The following CHKA variants were observed in gnomAD, a reference collection of about 807,000 sequenced individuals.
CHKA encodes choline kinase alpha, also known as CHETK-alpha.
A neutral mutation model predicts 60.1 loss-of-function variants in CHKA; 34 were observed. The observed-to-expected ratio is 0.57, with a 90% CI of 0.43 to 0.75. CHKA has a LOEUF of 0.75. CHKA is among the 30% of genes least tolerant of loss of function. CHKA has a pLI of 0.00. For synonymous variants in CHKA, 217 were observed against 223.1 expected (o/e 0.97, Z 0.24); for missense variants, 563 against 561.3 (o/e 1.00, Z -0.03).
intron 3 of CHKA, among the ~76,000 whole-genome samples, chr11:68,077,614 G>A (rs1375086469): frequency 6.6e-6 from 1 of 152,170 alleles, no homozygotes; most frequent in African/African-American, 2.4e-5. Context: ...TGTGCTAAGC[G>A]CCAGGGAACC....
chr11:68,107,895 G>C (rs1191729401), intron 1 of CHKA, among the ~76,000 whole-genome samples: 1 of 152,140 alleles, frequency 6.6e-6, no homozygotes, highest in Non-Finnish European at 1.5e-5. Flanking sequence ...AGAGTACTAG[G>C]CACATTAAGA....
intron 1 of CHKA, among the ~76,000 whole-genome samples, chr11:68,112,595 C>A (rs1858198604): frequency 6.6e-6 from 1 of 151,986 alleles, no homozygotes; most frequent in Non-Finnish European, 1.5e-5. Context: ...AAGCATGATC[C>A]ATGAAAGAAA....
intron 11 of CHKA, among the ~76,000 whole-genome samples, chr11:68,060,736 T>G (rs772366360): frequency 1.3e-5 from 2 of 152,268 alleles, no homozygotes; most frequent in African/African-American, 4.8e-5. Flanking sequence ...GCCTTTATTA[T>G]CACAAAATGC....
At chr11:68,066,585 C>A in intron 7 of CHKA, 69 bp from the exon 8 acceptor site, 2 of 1,198,136 alleles carry the variant, frequency 1.7e-6, no homozygotes, top group South Asian at 1.2e-5. Context: ...ACAGCAGAGC[C>A]GAGAGAATGG....
chr11:68,068,733 A>C (rs1856522887), intron 7 of CHKA, 146 bp downstream of exon 7: 6 of 579,690 alleles, frequency 1.0e-5, no homozygotes, highest in Middle Eastern at 6.0e-4. Context: ...CTCTATAAAA[A>C]TAATACAAAA....
chr11:68,103,923 AAAAT>A (rs1427594186), intron 1 of CHKA, among the ~76,000 whole-genome samples: 2 of 151,976 alleles, frequency 1.3e-5, no homozygotes, highest in Non-Finnish European at 2.9e-5. Context: ...AAAAAAATAA[AAAAT>A]AAATAAATTA....
chr11:68,089,768 A>G (rs1857292845), intron 2 of CHKA: 5 of 152,208 alleles, frequency 3.3e-5, no homozygotes, highest in Admixed American at 3.3e-4. Context: ...GAACTAAAAG[A>G]AAGAAATTAA....
chr11:68,060,669 A>C (rs117459824), intron 11 of CHKA, among the ~76,000 whole-genome samples: 4,987 of 152,264 alleles, frequency 0.033, 122 homozygotes, highest in Admixed American at 0.045. Context: ...TGTCAGTTTT[A>C]ATATCATGTC....
At chr11:68,119,926 A>G (rs1229243537) in intron 1 of CHKA, among the ~76,000 whole-genome samples, 1 of 152,138 alleles carries the variant, frequency 6.6e-6, no homozygotes, top group African/African-American at 2.4e-5. Context: ...AATATTTTCA[A>G]GTTTAAAAAA....
Position 68,096,562 on chromosome 11 carries a change from A to C in CHKA, c.462+457T>G, listed in dbSNP as rs569164116. 5.3e-5 allele frequency among the ~76,000 whole-genome samples: 8 copies of C among 152,336 alleles called. No homozygotes were observed. In the South Asian group the frequency reaches 1.7e-3, roughly 32 times the overall value. On this transcript the variant is annotated intron_variant, in intron 2 of 11. Transcript: ENST00000265689. ...TAACAAACAACTCAAAGTTTTAAAG[A>C]AATCTCAGAGAAACAGTTATTAAAT...
At chr11:68,100,272 T>C (rs1201070811) in intron 1 of CHKA, among the ~76,000 whole-genome samples, 1 of 152,190 alleles carries the variant, frequency 6.6e-6, no homozygotes, top group Admixed American at 6.5e-5. Flanking sequence ...CCTGGCATAA[T>C]AGCTTTATAA....
chr11:68,086,090 G>T (rs1471041635), intron 2 of CHKA, among the ~76,000 whole-genome samples: 1 of 152,078 alleles, frequency 6.6e-6, no homozygotes, highest in African/African-American at 2.4e-5. Context: ...CGAGGCAGGC[G>T]GATCACGAGG....
intron 1 of CHKA, among the ~76,000 whole-genome samples, chr11:68,112,097 G>A (rs924731728): frequency 5.1e-4 from 4 of 7,774 alleles, no homozygotes; most frequent in East Asian, 4.8e-3. Flanking sequence ...ACAACGGGAC[G>A]TCCACATGCA....
intron 3 of CHKA, among the ~76,000 whole-genome samples, chr11:68,076,132 C>A (rs538902645): frequency 1.2e-4 from 18 of 152,212 alleles, no homozygotes; most frequent in African/African-American, 4.3e-4. Context: ...GCCGGTAATC[C>A]CCCCACAATT....
At position 68,064,727 on chromosome 11, in the gene CHKA, G is replaced by A. The variant is rs1856382173; in HGVS notation, c.1126-96C>T. ...ATATGCATCTACTGTGACACACTGG[G>A]AGACACACACTCAACATGATGTTCA... On this transcript the variant is annotated intron_variant, in intron 9 of 11. Coordinates refer to ENST00000265689, the MANE Select transcript of CHKA (RefSeq NM_001277.3). 16 of 702,798 alleles carry A rather than the reference G, an allele frequency of 2.3e-5. No homozygotes were observed. In the South Asian group the frequency reaches 2.9e-4, roughly 13 times the overall value. 43.5% of individuals were successfully genotyped at this position (702,798 alleles called of 1,614,324 possible). A position where few individuals can be genotyped will look rare whatever the true frequency, so the allele number is the denominator to read the frequency against.
rs1254637243 is a variant in CHKA at position 68,070,296 on chromosome 11, AT to A, written c.765-4del. On this transcript the variant is annotated splice_polypyrimidine_tract_variant and splice_region_variant and intron_variant, in intron 5 of 11. Coordinates refer to ENST00000265689, the MANE Select transcript of CHKA (RefSeq NM_001277.3). Reference sequence around the variant, plus strand: ...TTCTCAGCACTTCCTTTAGATACCTATTAAAAAATTTTCAAAAAAGAACAGA... The same window carrying A: ...TTCTCAGCACTTCCTTTAGATACCTATAAAAAATTTTCAAAAAAGAACAGA... The A allele has an allele frequency of 9.4e-6, 15 of 1,591,692 alleles. No individual in the cohort carries two copies. The African/African-American group carries it at 1.2e-4, about 13-fold the overall frequency.
At chr11:68,096,515 A>G (rs183155136) in intron 2 of CHKA, among the ~76,000 whole-genome samples, 1 of 152,306 alleles carries the variant, frequency 6.6e-6, no homozygotes, top group Admixed American at 6.5e-5. Context: ...TCTAATATAA[A>G]ACTTTAGAAA....
At chr11:68,057,323 CTTTTT>C (rs1239161650) in intron 11 of CHKA, among the ~76,000 whole-genome samples, 1 of 152,094 alleles carries the variant, frequency 6.6e-6, no homozygotes, top group Admixed American at 6.6e-5. Flanking sequence ...GTAAGCTTTT[CTTTTT>C]TTCTTTTTTG....
intron 11 of CHKA, among the ~76,000 whole-genome samples, chr11:68,061,085 G>A (rs115800078): frequency 7.8e-4 from 103 of 131,852 alleles, no homozygotes; most frequent in African/African-American, 2.9e-3. Flanking sequence ...CTATTTCTAT[G>A]TCAGTGACAG....
Sources: gnomAD v4.1 joint callset for allele counts (sites outside exome capture counted in the v4.1 genomes callset) on GRCh38, gnomAD v4.1.1 for gene constraint, MANE v1.5 for transcripts, NCBI Gene and HGNC (gene_info 2026-07-23, HGNC 2026-07-21) for gene names.